Variants in GRM3 observed in about 807,000 individuals in gnomAD.
The protein encoded by GRM3 is glutamate metabotropic receptor 3.
Under a neutral mutation model 70.5 loss-of-function variants are expected in GRM3, and 26 were observed. The ratio of observed to expected loss-of-function variants is 0.37; its 90% CI spans 0.27 to 0.51. GRM3 has a LOEUF of 0.51. Among genes scored for constraint, GRM3 ranks in the 20% least tolerant of loss-of-function variants. The pLI is 0.93. For synonymous variants in GRM3, 443 were observed against 434.9 expected (o/e 1.02, Z -0.23); for missense variants, 859 against 1,123.8 (o/e 0.76, Z 3.37).
At chr7:86,682,861 C>G (rs891658842) in intron 1 of GRM3, among the ~76,000 whole-genome samples, 1 of 152,014 alleles carries the variant, frequency 6.6e-6, no homozygotes, top group Non-Finnish European at 1.5e-5. Context: ...AACAGAAAAG[C>G]ACAATTCAAT....
intron 5 of GRM3, among the ~76,000 whole-genome samples, 186 bp downstream of exon 5, chr7:86,850,730 TC>T (rs1798741045): frequency 6.6e-6 from 1 of 151,832 alleles, no homozygotes; most frequent in African/African-American, 2.4e-5. Flanking sequence ...AGCAAAGAAG[TC>T]AAAGTTTCTG....
chr7:86,778,362 T>G (rs1796951073), intron 2 of GRM3, among the ~76,000 whole-genome samples: 1 of 152,132 alleles, frequency 6.6e-6, no homozygotes, highest in South Asian at 2.1e-4. Flanking sequence ...CTTCTGAAAA[T>G]AATTCTCATA....
chr7:86,677,105 T>G (rs1407645486), intron 1 of GRM3, among the ~76,000 whole-genome samples: 3 of 152,008 alleles, frequency 2.0e-5, no homozygotes, highest in African/African-American at 7.2e-5. Context: ...TTTGGAGCCC[T>G]AGGCATCTAT....
chr7:86,687,502 C>G (rs984283261), intron 1 of GRM3, among the ~76,000 whole-genome samples: 1 of 151,664 alleles, frequency 6.6e-6, no homozygotes, highest in Non-Finnish European at 1.5e-5. Flanking sequence ...TATTATCAAC[C>G]TAGAATTCTG....
chr7:86,820,082 A>G (rs565939694), intron 3 of GRM3, among the ~76,000 whole-genome samples: 1 of 152,298 alleles, frequency 6.6e-6, no homozygotes, highest in East Asian at 1.9e-4. Flanking sequence ...GACCTCTTAC[A>G]GTGATTTAAG....
At chr7:86,781,445 T>A (rs1797057751) in intron 2 of GRM3, among the ~76,000 whole-genome samples, 1 of 152,130 alleles carries the variant, frequency 6.6e-6, no homozygotes, top group African/African-American at 2.4e-5. Flanking sequence ...CATTTATAAT[T>A]TCATTTTTTC....
chr7:86,699,641 A>G (rs1463352116), intron 1 of GRM3, among the ~76,000 whole-genome samples: 1 of 152,030 alleles, frequency 6.6e-6, no homozygotes, highest in South Asian at 2.1e-4. Context: ...TCAATCACAA[A>G]AAGTTTTAGC....
chr7:86,685,993 C>A (rs7794530), intron 1 of GRM3, among the ~76,000 whole-genome samples: 5,048 of 151,590 alleles, frequency 0.033, 278 homozygotes, highest in African/African-American at 0.12. Flanking sequence ...TCCTTGAGCA[C>A]CGTATCTGGC....
chr7:86,806,836 A>G (rs922407678), intron 3 of GRM3, among the ~76,000 whole-genome samples: 23 of 151,794 alleles, frequency 1.5e-4, no homozygotes, highest in Non-Finnish European at 3.1e-4. Context: ...TATGTCCTGA[A>G]TGGTATTGCC....
At chr7:86,815,316 T>G (rs1434616922) in intron 3 of GRM3, among the ~76,000 whole-genome samples, 1 of 151,884 alleles carries the variant, frequency 6.6e-6, no homozygotes, top group African/African-American at 2.4e-5. Flanking sequence ...TGGAAGCTCA[T>G]CTATGGATAC....
chr7:86,795,113 T>A (rs987576251), intron 3 of GRM3, among the ~76,000 whole-genome samples: 6 of 151,916 alleles, frequency 3.9e-5, no homozygotes, highest in South Asian at 2.1e-4. Context: ...GTTTTTTTTT[T>A]AAATTAAGGC....
At chr7:86,827,582 C>T (rs1002077583) in intron 3 of GRM3, among the ~76,000 whole-genome samples, 1 of 151,600 alleles carries the variant, frequency 6.6e-6, no homozygotes, top group Non-Finnish European at 1.5e-5. Flanking sequence ...GGCCCTATCT[C>T]GGCTCATTGC....
intron 1 of GRM3, among the ~76,000 whole-genome samples, chr7:86,654,690 C>T (rs1793690596): frequency 2.6e-5 from 4 of 152,160 alleles, no homozygotes; most frequent in African/African-American, 9.7e-5. Context: ...TCTTTATTCT[C>T]CTACCACTGA....
chr7:86,774,467 A>G (rs1212482748), intron 2 of GRM3, among the ~76,000 whole-genome samples: 2 of 152,130 alleles, frequency 1.3e-5, no homozygotes, highest in Non-Finnish European at 2.9e-5. Flanking sequence ...CACCTGGTAT[A>G]TTGTGGAAAT....
chr7:86,761,712 C>T (rs1039167414), intron 1 of GRM3, among the ~76,000 whole-genome samples: 2 of 152,036 alleles, frequency 1.3e-5, no homozygotes, highest in Non-Finnish European at 2.9e-5. Context: ...GACACTGTTG[C>T]CTTCTTTATC....
In GRM3 at chr7:86,655,855, T is replaced by G. The variant is rs201646042; in HGVS notation, c.-141+10983T>G. Among the ~76,000 whole-genome samples the G allele has an allele frequency of 5.4e-3, 790 of 146,026 alleles. 15 individuals carry two copies. The highest frequency in any genetic ancestry group is 0.02 in the African/African-American group (746 of 38,036). ...GTGTGTGTGTGTGTGTGTGTGTGGGTGGGTGGGTGTGTGTGTATGTGTGTT... is the reference window on the plus strand; with the variant it reads ...GTGTGTGTGTGTGTGTGTGTGTGGGGGGGTGGGTGTGTGTGTATGTGTGTT... On this transcript the variant is annotated intron_variant, in intron 1 of 5. Transcript: ENST00000361669.
intron 2 of GRM3, among the ~76,000 whole-genome samples, chr7:86,778,704 CAT>C (rs1796961192): frequency 6.6e-6 from 1 of 152,054 alleles, no homozygotes; most frequent in South Asian, 2.1e-4. Flanking sequence ...CAATGCACAA[CAT>C]GTGATAAATC....
chr7:86,839,210 C>G lies in GRM3; in HGVS notation c.1696C>G (p.Pro566Ala). The G allele has an allele frequency of 6.2e-7, 1 of 1,613,890 alleles. No homozygotes were observed. Among genetic ancestry groups the G allele is most frequent in the Non-Finnish European group, 8.5e-7 (1 of 1,179,752 alleles). ...TADLTGCYDL[P>A]EDYIRWEDAW... ...AGACCTAACTGGATGCTATGACCTT[C>G]CTGAGGACTACATCAGGTGGGAAGA... is the stretch of plus-strand genomic sequence containing the variant. The change falls in exon 4 of 6, where the codon CCT becomes GCT. Residue 566 changes from proline to alanine, a missense_variant. By Grantham distance (27) the Pro-to-Ala change is conservative (BLOSUM62 -1). Transcript: ENST00000361669. The surrounding 1 kb of genome is among the most constrained non-coding windows in gnomAD (Gnocchi z 4.5).
intron 1 of GRM3, among the ~76,000 whole-genome samples, chr7:86,659,490 G>C (rs939141056): frequency 6.6e-6 from 1 of 152,046 alleles, no homozygotes; most frequent in African/African-American, 2.4e-5. Flanking sequence ...CTGGCATTTG[G>C]CTCCAGAGCT....
Sources: gnomAD v4.1 joint callset for allele counts (sites outside exome capture counted in the v4.1 genomes callset) on GRCh38, gnomAD v4.1.1 for gene constraint, Gnocchi (gnomAD v3.1) non-coding constraint, MANE v1.5 for transcripts, NCBI Gene and HGNC (gene_info 2026-07-23, HGNC 2026-07-21) for gene names.